The following ARFGEF3 variants were observed in gnomAD, a reference collection of about 807,000 sequenced individuals.
ARFGEF3 encodes the protein brefeldin A-inhibited guanine nucleotide-exchange protein 3.
ARFGEF3 carries 96 observed loss-of-function variants against 221.7 expected under a neutral mutation model. The observed-to-expected ratio is 0.43, with a 90% CI of 0.37 to 0.51. The LOEUF is 0.51. ARFGEF3 is among the 20% of genes least tolerant of loss of function. ARFGEF3 has a pLI of 0.00. For synonymous variants in ARFGEF3, 1,145 were observed against 1,126.8 expected, an observed-to-expected ratio of 1.02 and a Z score of -0.32; for missense variants, 2,410 against 2,789.9, an observed-to-expected ratio of 0.86 and a Z score of 3.07.
Position 138,291,868 on chromosome 6 carries a change from G to GC in ARFGEF3, c.3189dup (p.Glu1064ArgfsTer63). The GC allele has an allele frequency of 3.3e-6, 5 of 1,494,300 alleles. No individual in the cohort carries two copies. The highest frequency in any genetic ancestry group is 3.6e-6 in the Non-Finnish European group (4 of 1,117,264). 92.6% of individuals were successfully genotyped at this position (1,494,300 alleles called of 1,614,324 possible). Reference sequence around the variant, plus strand: ...TTGGGGACCCCGAGTGTGAGGGCTCGCCCCCCGAGCACAGCCCGGAGCAGG... The same window carrying GC: ...TTGGGGACCCCGAGTGTGAGGGCTCGCCCCCCCGAGCACAGCCCGGAGCAGG... On this transcript the variant is annotated frameshift_variant, in exon 19 of 34. Coordinates refer to ENST00000251691, the MANE Select transcript of ARFGEF3 (RefSeq NM_020340.5). LOFTEE classifies it high-confidence loss of function. The surrounding 1 kb of genome is among the most constrained non-coding windows in gnomAD (Gnocchi z 4.5).
Position 138,282,820 on chromosome 6 carries a change from G to A in ARFGEF3, c.2461+2656G>A, listed in dbSNP as rs550284528. Among the ~76,000 whole-genome samples the A allele has an allele frequency of 5.9e-5, 9 of 152,280 alleles. No homozygotes were observed. The East Asian group carries it at 1.4e-3, about 23-fold the overall frequency. On this transcript the variant is annotated intron_variant, in intron 14 of 33. Coordinates refer to ENST00000251691, the MANE Select transcript of ARFGEF3 (RefSeq NM_020340.5). ...TCCTAGGACTTTGGGAGGCCGAGGC[G>A]GGTGGATCACTTGAGGTCAGGAGTT... is the stretch of plus-strand genomic sequence containing the variant.
rs1779169933 is a variant in ARFGEF3 at position 138,280,115 on chromosome 6, T to C, written c.2412T>C (p.Tyr804=). The change falls in exon 14 of 34, where the codon TAT becomes TAC. Residue 804 remains tyrosine, a synonymous_variant. Coordinates refer to ENST00000251691, the MANE Select transcript of ARFGEF3 (RefSeq NM_020340.5). ...LDRNMLGEAG[Y]WGSPEDNSLP... ...GGAACATGCTTGGAGAGGCTGGCTA[T>C]TGGGGCAGCCCAGAAGATAACAGCC... 3 of 1,613,890 alleles carry C rather than the reference T, an allele frequency of 1.9e-6. No homozygotes were observed. Among genetic ancestry groups the C allele is most frequent in the South Asian group, 1.1e-5 (1 of 91,080 alleles).
rs1780438200 is a variant in ARFGEF3, at chr6:138,341,978, G to A, written c.*5492G>A. On this transcript the variant is annotated 3_prime_UTR_variant, in exon 34 of 34. Transcript: ENST00000251691. Reference sequence around the variant, plus strand: ...GGGTACCAGGGAGGAGAGAGTGGCTGACCACTTTAGTGACAAAACAGCACT... The same window carrying A: ...GGGTACCAGGGAGGAGAGAGTGGCTAACCACTTTAGTGACAAAACAGCACT... The A allele has an allele frequency of 6.6e-6, 1 of 152,210 alleles. No individual in the cohort carries two copies. Among genetic ancestry groups the A allele is most frequent in the South Asian group, 2.1e-4 (1 of 4,826 alleles). 9.4% of individuals were successfully genotyped at this position (152,210 alleles called of 1,614,324 possible). A position where few individuals can be genotyped will look rare whatever the true frequency, so the allele number is the denominator to read the frequency against.
chr6:138,286,847 A>C lies in ARFGEF3; in HGVS notation c.2716A>C (p.Lys906Gln). 6.2e-7 allele frequency: 1 copy of C among 1,613,986 alleles called. No homozygotes were observed. The highest frequency in any genetic ancestry group is 8.5e-7 in the Non-Finnish European group (1 of 1,179,904). The change falls in exon 16 of 34, where the codon AAG (lysine) becomes CAG (glutamine). Residue 906 changes from lysine (K) to glutamine (Q), a missense_variant. This residue lies in a region of ARFGEF3 where 594 missense variants were observed against 734.3 expected (regional missense o/e 0.81). Coordinates refer to ENST00000251691, the MANE Select transcript of ARFGEF3 (RefSeq NM_020340.5). ...GAEGIKEQNQ[K>Q]ERDAICMSLD... ...TGAAGGCATCAAAGAGCAGAACCAG[A>C]AGGAGCGGGACGCCATCTGCATGAG...
At chr6:138,283,525 T>C (rs960262396) in intron 14 of ARFGEF3, among the ~76,000 whole-genome samples, 1 of 152,230 alleles carries the variant, frequency 6.6e-6, no homozygotes, top group African/African-American at 2.4e-5. Flanking sequence ...ATTCCAGGTA[T>C]GAAGTGACAA....
chr6:138,273,068 G>A (rs898759677), intron 12 of ARFGEF3, among the ~76,000 whole-genome samples: 7 of 152,090 alleles, frequency 4.6e-5, no homozygotes, highest in African/African-American at 1.7e-4. Context: ...TGTCAATATC[G>A]AGACACATCT....
chr6:138,340,342 T>C lies in ARFGEF3; in HGVS notation c.*3856T>C, dbSNP rs1780407509. 6.6e-6 allele frequency: 1 copy of C among 152,246 alleles called. No individual in the cohort carries two copies. Among genetic ancestry groups the C allele is most frequent in the Non-Finnish European group, 1.5e-5 (1 of 68,038 alleles). The allele number at this position is 152,246 out of a possible 1,614,324, so 9.4% of individuals were successfully genotyped here. A position where few individuals can be genotyped will look rare whatever the true frequency, so the allele number is the denominator to read the frequency against. ...ATTAGGCTTTTTGTCCTTGTTGTTTTAAAATGAGGCTTATACAGAGTGAGT... is the reference window on the plus strand; with the variant it reads ...ATTAGGCTTTTTGTCCTTGTTGTTTCAAAATGAGGCTTATACAGAGTGAGT... On this transcript the variant is annotated 3_prime_UTR_variant, in exon 34 of 34. Coordinates refer to ENST00000251691, the MANE Select transcript of ARFGEF3 (RefSeq NM_020340.5).
intron 6 of ARFGEF3, among the ~76,000 whole-genome samples, chr6:138,240,398 C>G (rs1162980775): frequency 6.6e-6 from 1 of 152,062 alleles, no homozygotes; most frequent in Non-Finnish European, 1.5e-5. Context: ...TATATGAGTT[C>G]ATTTAATCTT....
chr6:138,238,611 C>G lies in ARFGEF3; in HGVS notation c.523C>G (p.Arg175Gly), dbSNP rs1188172160. 3 of 1,613,574 alleles carry G rather than the reference C, an allele frequency of 1.9e-6. No individual in the cohort carries two copies. The highest frequency in any genetic ancestry group is 2.5e-6 in the Non-Finnish European group (3 of 1,179,718). Residue 175 changes from arginine to glycine, a missense_variant, in exon 6 of 34, where the codon CGA becomes GGA. Around this residue, in one of 5 missense-constraint regions of ARFGEF3, gnomAD observed 570 missense variants for 586.9 expected, o/e 0.97. Transcript: ENST00000251691. ...GCTGAGTGACTTGACTTTACAGTTA[C>G]GACAGAGGCAGGAGAATACGGTGAG... ...QMLSDLTLQL[R>G]QRQENTIIEN...
intron 2 of ARFGEF3, among the ~76,000 whole-genome samples, chr6:138,189,485 A>G (rs1180249770): frequency 1.3e-5 from 2 of 152,226 alleles, no homozygotes; most frequent in Non-Finnish European, 2.9e-5. Context: ...TGACCTAAAG[A>G]TGAATCTTAA....
rs1347274648 is a variant in ARFGEF3, at chr6:138,335,112, A to T, written c.6266A>T (p.Gln2089Leu). The T allele has an allele frequency of 6.2e-7, 1 of 1,600,946 alleles. No homozygotes were observed. Among genetic ancestry groups the T allele is most frequent in the Non-Finnish European group, 8.5e-7 (1 of 1,175,018 alleles). The change falls in exon 33 of 34, where the codon CAG (glutamine) becomes CTG (leucine). Residue 2089 changes from glutamine to leucine, a missense_variant. Gln to Leu is a moderately radical substitution (Grantham distance 113). Around this residue, in one of 5 missense-constraint regions of ARFGEF3, gnomAD observed 339 missense variants for 334.9 expected, o/e 1.01. Coordinates refer to ENST00000251691, the MANE Select transcript of ARFGEF3 (RefSeq NM_020340.5). ...SFSAGPELLR[Q>L]DKRPRSGSTG... is the part of the protein sequence containing the mutation. ...AGCGCAGGCCCCGAGCTGCTGCGAC[A>T]GGACAAGAGGCCCCGCTCAGGCTCC...
intron 2 of ARFGEF3, among the ~76,000 whole-genome samples, chr6:138,202,319 G>T (rs892884541): frequency 6.6e-6 from 1 of 152,010 alleles, no homozygotes; most frequent in Non-Finnish European, 1.5e-5. Flanking sequence ...TATAAATTTC[G>T]TCCTGAGACC....
At position 138,344,467 on chromosome 6, in the gene ARFGEF3, G is replaced by A. The variant is rs1780481250; in HGVS notation, c.*7981G>A. On this transcript the variant is annotated 3_prime_UTR_variant, in exon 34 of 34. Transcript: ENST00000251691. ...ATTTTATAGAATCTGTCTGTTCTTT[G>A]TTTAACAGGTCTCTGTAAGCAAGCT... 6.6e-6 allele frequency: 1 copy of A among 152,002 alleles called. No individual in the cohort carries two copies. Among genetic ancestry groups the A allele is most frequent in the South Asian group, 2.1e-4 (1 of 4,824 alleles). 9.4% of individuals were successfully genotyped at this position (152,002 alleles called of 1,614,324 possible).
At chr6:138,221,333 A>T (rs532866689) in intron 4 of ARFGEF3, among the ~76,000 whole-genome samples, 1 of 152,206 alleles carries the variant, frequency 6.6e-6, no homozygotes, top group South Asian at 2.1e-4. Flanking sequence ...CTTGATGGGG[A>T]TATCTACAGG....
chr6:138,335,098 C>T lies in ARFGEF3; in HGVS notation c.6252C>T (p.Pro2084=). ...GQMRHSFSAG[P]ELLRQDKRPR... is the part of the protein sequence containing the mutation. ...TGCGGCATTCCTTCAGCGCAGGCCC[C>T]GAGCTGCTGCGACAGGACAAGAGGC... The change falls in exon 33 of 34, where the codon CCC becomes CCT. Residue 2084 remains proline, a synonymous_variant. Transcript: ENST00000251691. 6.2e-7 allele frequency: 1 copy of T among 1,600,320 alleles called. No homozygotes were observed. Among genetic ancestry groups the T allele is most frequent in the Non-Finnish European group, 8.5e-7 (1 of 1,174,390 alleles).
chr6:138,211,673 GT>G (rs1777730558), intron 4 of ARFGEF3, among the ~76,000 whole-genome samples: 1 of 152,210 alleles, frequency 6.6e-6, no homozygotes, highest in Admixed American at 6.5e-5. Flanking sequence ...CCCAGGAATA[GT>G]TTTTGTGGAA....
chr6:138,307,229 T>G, intron 22 of ARFGEF3, 24 bp from the exon 23 acceptor site: 1 of 1,610,662 alleles, frequency 6.2e-7, no homozygotes. Flanking sequence ...GGGCTTTAAG[T>G]GCCACTTGCT....
At chr6:138,199,650 T>C (rs1286278622) in intron 2 of ARFGEF3, among the ~76,000 whole-genome samples, 1 of 152,202 alleles carries the variant, frequency 6.6e-6, no homozygotes, top group Non-Finnish European at 1.5e-5. Context: ...TTAAAAAGGA[T>C]TGAGTTCTTG....
chr6:138,317,731 C>A (rs115806329), intron 27 of ARFGEF3, among the ~76,000 whole-genome samples: 1,542 of 152,276 alleles, frequency 0.01, 10 homozygotes, highest in Middle Eastern at 0.024. Flanking sequence ...GGCAGGATCT[C>A]ACAGTCACAT....
Sources: allele counts gnomAD v4.1 joint callset (sites outside exome capture counted in the v4.1 genomes callset), GRCh38; gene constraint gnomAD v4.1.1; regional missense constraint gnomAD v4.1.1; non-coding constraint Gnocchi (gnomAD v3.1); transcripts MANE v1.5; gene names NCBI Gene and HGNC (gene_info 2026-07-23, HGNC 2026-07-21).